Variants in SCYL2 observed in about 807,000 individuals in gnomAD.
The protein encoded by SCYL2 is SCY1-like protein 2.
In SCYL2, 36 loss-of-function variants were observed where a neutral mutation model predicts 100.4. The ratio of observed to expected loss-of-function variants is 0.36; its 90% CI spans 0.27 to 0.47. The LOEUF is 0.47. Ranked by LOEUF, SCYL2 falls within the 20% of genes least tolerant of loss-of-function variation. SCYL2 has a pLI of 1.00. For synonymous variants in SCYL2, 330 were observed against 359.2 expected (o/e 0.92, Z 0.92); for missense variants, 902 against 1,083.9 (o/e 0.83, Z 2.36).
rs1358956537 is a variant in SCYL2, at chr12:100,270,193, A to G, written c.-29+2401A>G. On this transcript the variant is annotated intron_variant, in intron 1 of 17. Transcript: ENST00000360820. ...AGTAGAGACGGCGTTTCACCGTGTT[A>G]GGCAGGAGGGTCTCGATCTCCTGAC... is the stretch of plus-strand genomic sequence containing the variant. 2.6e-5 allele frequency among the ~76,000 whole-genome samples: 4 copies of G among 152,164 alleles called. No homozygotes were observed. In the East Asian group the frequency reaches 5.8e-4, roughly 22 times the overall value.
chr12:100,300,264 T>C (rs572196415), intron 4 of SCYL2, among the ~76,000 whole-genome samples: 67 of 152,330 alleles, frequency 4.4e-4, no homozygotes, highest in African/African-American at 1.5e-3. Context: ...TTTACAAAGA[T>C]TTTCTCCCAA....
chr12:100,296,135 T>C (rs2096320167), intron 3 of SCYL2, among the ~76,000 whole-genome samples: 1 of 152,214 alleles, frequency 6.6e-6, no homozygotes. Context: ...ATTAGGAATT[T>C]ATTGGCAATC....
intron 9 of SCYL2, among the ~76,000 whole-genome samples, chr12:100,316,807 A>C (rs1268518482): frequency 1.3e-5 from 2 of 152,200 alleles, no homozygotes; most frequent in South Asian, 4.1e-4. Context: ...TGTCCAGTTA[A>C]AAATACCTTT....
chr12:100,326,268 T>C (rs578252929), intron 11 of SCYL2, among the ~76,000 whole-genome samples: 1 of 152,256 alleles, frequency 6.6e-6, no homozygotes, highest in Non-Finnish European at 1.5e-5. Flanking sequence ...GTGCAAAGAA[T>C]GTAGTCCTTT....
At chr12:100,270,042 C>T (rs7350571) in intron 1 of SCYL2, among the ~76,000 whole-genome samples, 3 of 150,648 alleles carry the variant, frequency 2.0e-5, no homozygotes, top group East Asian at 2.0e-4. Context: ...GCTGGAGTGC[C>T]GTGGCGCGAT....
chr12:100,283,441 T>C (rs993347559), intron 2 of SCYL2, among the ~76,000 whole-genome samples: 4 of 152,204 alleles, frequency 2.6e-5, no homozygotes, highest in Non-Finnish European at 5.9e-5. Context: ...ATTGTAATAT[T>C]TAGTGAAGCA....
Position 100,291,645 on chromosome 12 carries a change from C to A in SCYL2, c.320C>A (p.Pro107His). 6.3e-7 allele frequency: 1 copy of A among 1,579,924 alleles called. No homozygotes were observed. Among genetic ancestry groups the A allele is most frequent in the Non-Finnish European group, 8.5e-7 (1 of 1,169,862 alleles). ...RHPRLLTVQH[P>H]LEESRDCLAF... is the part of the protein sequence containing the mutation. ...CCTCGACTTCTTACTGTCCAGCATC[C>A]TTTAGAAGAATCCAGGTAAATTTTT... is the stretch of plus-strand genomic sequence containing the variant. Residue 107 changes from proline to histidine, a missense_variant, in exon 3 of 18, where the codon CCT (proline) becomes CAT (histidine). Physicochemically the swap from Pro to His is moderately conservative, Grantham distance 77 (BLOSUM62 -2). Coordinates refer to ENST00000360820, the MANE Select transcript of SCYL2 (RefSeq NM_017988.6).
intron 9 of SCYL2, among the ~76,000 whole-genome samples, chr12:100,316,346 T>TA (rs1262657619): frequency 1.3e-5 from 2 of 152,250 alleles, no homozygotes; most frequent in Admixed American, 1.3e-4. Context: ...AATTGGGGCT[T>TA]CTTTATCTCC....
At chr12:100,300,396 T>C (rs560285592) in intron 4 of SCYL2, among the ~76,000 whole-genome samples, 1 of 152,076 alleles carries the variant, frequency 6.6e-6, no homozygotes, top group Non-Finnish European at 1.5e-5. Context: ...TATATACTTA[T>C]ACATGAGATA....
chr12:100,297,989 G>GTAA, intron 3 of SCYL2, 42 bp from the exon 4 acceptor site: 1 of 1,447,992 alleles, frequency 6.9e-7, no homozygotes, highest in Non-Finnish European at 9.5e-7. Flanking sequence ...TTGATAATGT[G>GTAA]TAATAATATG....
rs1019371449 is a variant in SCYL2, at chr12:100,326,178, A to G, written c.1510-444A>G. ...AAAACACATATATGGATACCTTCAC[A>G]TGTTAAAATATTTAGTTTAAAAATG... is the stretch of plus-strand genomic sequence containing the variant. On this transcript the variant is annotated intron_variant, in intron 11 of 17. Transcript: ENST00000360820. Among the ~76,000 whole-genome samples, 7 of 152,274 alleles carry G rather than the reference A, an allele frequency of 4.6e-5. No homozygotes were observed. The East Asian group carries it at 9.6e-4, about 21-fold the overall frequency.
At chr12:100,302,063 G>T (rs564498526) in intron 4 of SCYL2, among the ~76,000 whole-genome samples, 15 of 152,254 alleles carry the variant, frequency 9.9e-5, no homozygotes, top group South Asian at 6.2e-4. Flanking sequence ...CATGAGCTAG[G>T]GTCTAGATTG....
chr12:100,281,358 T>G (rs904253169), intron 1 of SCYL2, among the ~76,000 whole-genome samples: 2 of 152,168 alleles, frequency 1.3e-5, no homozygotes, highest in African/African-American at 2.4e-5. Flanking sequence ...CATAGTTGAA[T>G]GTAATTATTG....
At chr12:100,314,912 A>G (rs1190130262) in intron 8 of SCYL2, among the ~76,000 whole-genome samples, 2 of 152,220 alleles carry the variant, frequency 1.3e-5, no homozygotes, top group Non-Finnish European at 2.9e-5. Flanking sequence ...ACCAGCAGTT[A>G]AAGGGGTACT....
At chr12:100,294,449 A>G (rs1185316130) in intron 3 of SCYL2, among the ~76,000 whole-genome samples, 1 of 67,708 alleles carries the variant, frequency 1.5e-5, no homozygotes, top group Non-Finnish European at 2.8e-5. Context: ...ACTTCCCAGT[A>G]GGGGCGGCCG....
intron 3 of SCYL2, among the ~76,000 whole-genome samples, chr12:100,292,740 A>AT (rs199932773): frequency 0.014 from 2,198 of 152,314 alleles, 34 homozygotes; most frequent in Middle Eastern, 0.054. Context: ...GCTAGGATTC[A>AT]TTTTGTCATT....
intron 12 of SCYL2, 138 bp from the exon 13 acceptor site, chr12:100,329,063 A>T (rs1202100645): frequency 1.8e-6 from 1 of 549,076 alleles, no homozygotes; most frequent in Non-Finnish European, 3.3e-6. Context: ...ATGTAAGAAC[A>T]TCATTATTCT....
chr12:100,268,601 A>G (rs1255611338), intron 1 of SCYL2, among the ~76,000 whole-genome samples: 1 of 152,228 alleles, frequency 6.6e-6, no homozygotes, highest in Non-Finnish European at 1.5e-5. Context: ...CATTACTCAC[A>G]TGCAGAAACC....
intron 3 of SCYL2, among the ~76,000 whole-genome samples, chr12:100,294,283 G>A (rs192064320): frequency 2.4e-3 from 301 of 126,280 alleles, no homozygotes; most frequent in Middle Eastern, 0.015. Context: ...CTCCCGGACG[G>A]GGCGGCTGGC....
Sources: allele counts gnomAD v4.1 joint callset (sites outside exome capture counted in the v4.1 genomes callset), GRCh38; gene constraint gnomAD v4.1.1; transcripts MANE v1.5; gene names NCBI Gene and HGNC (gene_info 2026-07-23, HGNC 2026-07-21).